The following USP39 variants were observed in gnomAD, a reference collection of about 807,000 sequenced individuals.
The protein encoded by USP39 is ubiquitin specific peptidase 39.
USP39 carries 38 observed loss-of-function variants against 66.4 expected under a neutral mutation model. That is an observed-to-expected ratio of 0.57 (90% CI 0.44 to 0.75). USP39 has a LOEUF of 0.75. Among genes scored for constraint, USP39 ranks in the 30% least tolerant of loss-of-function variants. USP39 has a pLI of 0.00. For missense variants in USP39, 608 were observed against 714.4 expected (o/e 0.85, Z 1.70); for synonymous variants, 303 against 274.6 (o/e 1.10, Z -1.02).
chr2:85,619,701 A>G (rs1225791754), intron 2 of USP39, among the ~76,000 whole-genome samples: 2 of 151,770 alleles, frequency 1.3e-5, no homozygotes, highest in African/African-American at 4.8e-5. Context: ...ATGTTTTTCA[A>G]CCTATATTGT....
At chr2:85,611,649 G>T, upstream of USP39, 1 of 1,556,022 alleles carries the variant, frequency 6.4e-7, no homozygotes, top group South Asian at 1.2e-5. Context: ...CTGGAGGCAG[G>T]CGGGGCGGGC....
chr2:85,627,341 C>T (rs182918303), intron 5 of USP39, among the ~76,000 whole-genome samples: 2 of 152,044 alleles, frequency 1.3e-5, no homozygotes, highest in Admixed American at 1.3e-4. Context: ...GTGGTCCACC[C>T]GCCTGAGCTT....
At chr2:85,629,158 G>A (rs571253504) in intron 5 of USP39, among the ~76,000 whole-genome samples, 1 of 152,048 alleles carries the variant, frequency 6.6e-6, no homozygotes, top group East Asian at 1.9e-4. Context: ...CTGCCTCCCG[G>A]GTCTAAGTGA....
At chr2:85,624,869 A>G (rs1674724851) in intron 4 of USP39, among the ~76,000 whole-genome samples, 1 of 151,940 alleles carries the variant, frequency 6.6e-6, no homozygotes, top group Non-Finnish European at 1.5e-5. Flanking sequence ...AGGCTGAGGC[A>G]GGAGAGTTGC....
intron 12 of USP39, 141 bp downstream of exon 12, chr2:85,648,157 G>C: frequency 2.7e-6 from 2 of 735,096 alleles, no homozygotes; most frequent in Non-Finnish European, 4.5e-6. Flanking sequence ...TTAGTAGTGA[G>C]TTGGGGGCAG....
chr2:85,625,553 C>T lies in USP39; in HGVS notation c.585C>T (p.Pro195=), dbSNP rs1299152859. Residue 195 remains proline, a synonymous_variant, in exon 5 of 13, where the codon CCC becomes CCT. Transcript: ENST00000323701. ...SLEDITYVLK[P]TFTKQQIANL... is the part of the protein sequence containing the mutation. The stretch of plus-strand genomic sequence containing the variant: ...TTGCTTTGCAGTATGTGTTGAAGCC[C>T]ACTTTCACAAAGCAGCAAATTGCAA... 1.9e-6 allele frequency: 3 copies of T among 1,613,940 alleles called. No individual in the cohort carries two copies. The highest frequency in any genetic ancestry group is 2.2e-5 in the South Asian group (2 of 91,068).
chr2:85,635,814 G>A (rs558612388), intron 6 of USP39, among the ~76,000 whole-genome samples: 25 of 152,242 alleles, frequency 1.6e-4, no homozygotes, highest in African/African-American at 5.5e-4. Flanking sequence ...TGAGTGATGC[G>A]ATACAGTCCT....
At chr2:85,615,037 T>TGGTGTGGGC (rs1558844079), upstream of USP39, among the ~76,000 whole-genome samples, 79 of 131,158 alleles carry the variant, frequency 6.0e-4, no homozygotes, top group African/African-American at 2.6e-3. Flanking sequence ...GTGGTGTGGG[T>TGGTGTGGGC]ATGACAGAGT....
upstream of USP39, chr2:85,612,387 C>T (rs757774609): frequency 1.3e-6 from 2 of 1,535,144 alleles, no homozygotes; most frequent in Non-Finnish European, 1.7e-6. Context: ...AATCCATCGC[C>T]ATCTGCGTGA....
rs552205070 is a variant in USP39 at position 85,625,892 on chromosome 2, C to T, written c.723+201C>T. On this transcript the variant is annotated intron_variant, in intron 5 of 12. Transcript: ENST00000323701. ...AATTAGCTAGATATGGTGGTGGAAG[C>T]CTGTAGTCCCAGCTATTTGGCAGGC... is the stretch of plus-strand genomic sequence containing the variant. Among the ~76,000 whole-genome samples the T allele has an allele frequency of 4.6e-5, 7 of 151,986 alleles. No homozygotes were observed. The East Asian group carries it at 1.4e-3, about 29-fold the overall frequency.
intron 2 of USP39, among the ~76,000 whole-genome samples, chr2:85,619,634 TGAG>T (rs1674293762): frequency 4.0e-5 from 6 of 151,486 alleles, no homozygotes; most frequent in Admixed American, 1.3e-4. Flanking sequence ...GTTTGAAAGC[TGAG>T]GTAGTTTACC....
intron 10 of USP39, among the ~76,000 whole-genome samples, chr2:85,643,362 C>T (rs1031430942): frequency 2.0e-5 from 3 of 151,844 alleles, no homozygotes; most frequent in Admixed American, 6.6e-5. Flanking sequence ...TGGTGGTGGG[C>T]GCCTGTAGTC....
At chr2:85,648,137 T>G in intron 12 of USP39, 121 bp downstream of exon 12, 1 of 949,664 alleles carries the variant, frequency 1.1e-6, no homozygotes, top group Admixed American at 2.1e-5. Context: ...AGGTACCTAT[T>G]GGGAAGTACT....
intron 11 of USP39, among the ~76,000 whole-genome samples, chr2:85,646,625 T>C (rs1676664126): frequency 6.6e-6 from 1 of 152,218 alleles, no homozygotes; most frequent in African/African-American, 2.4e-5. Context: ...TTCTCAACTA[T>C]TGTAATATCC....
At chr2:85,634,298 G>A (rs557761921) in intron 6 of USP39, among the ~76,000 whole-genome samples, 98 of 152,100 alleles carry the variant, frequency 6.4e-4, no homozygotes, top group Non-Finnish European at 1.2e-3. Context: ...CTGGGGCCAG[G>A]CGCGCTGGCT....
At chr2:85,646,717 C>A (rs1192986302) in intron 11 of USP39, among the ~76,000 whole-genome samples, 1 of 152,066 alleles carries the variant, frequency 6.6e-6, no homozygotes, top group East Asian at 1.9e-4. Context: ...AGGTGGGCGG[C>A]CAGAGGTGCC....
At chr2:85,615,845 G>C (rs903194465), upstream of USP39, among the ~76,000 whole-genome samples, 5 of 152,088 alleles carry the variant, frequency 3.3e-5, no homozygotes, top group Non-Finnish European at 7.4e-5. Flanking sequence ...GGTCAGGTTG[G>C]TCTCGAACTC....
chr2:85,603,971 G>A (rs1051972098), intron 1 of USP39, among the ~76,000 whole-genome samples: 2 of 152,142 alleles, frequency 1.3e-5, no homozygotes, highest in Non-Finnish European at 2.9e-5. Context: ...TCTCAAAGGC[G>A]GTCCCAGCAT....
At chr2:85,630,997 A>G in intron 6 of USP39, 51 bp downstream of exon 6, 1 of 1,569,878 alleles carries the variant, frequency 6.4e-7, no homozygotes, top group Non-Finnish European at 8.7e-7. Context: ...TTTGATGAAC[A>G]AATTTATTTC....
Sources: gnomAD v4.1 joint callset for allele counts (sites outside exome capture counted in the v4.1 genomes callset) on GRCh38, gnomAD v4.1.1 for gene constraint, MANE v1.5 for transcripts, NCBI Gene and HGNC (gene_info 2026-07-23, HGNC 2026-07-21) for gene names.